The following SCAMP1 variants were observed in gnomAD, a reference collection of about 807,000 sequenced individuals.
SCAMP1 encodes secretory carrier-associated membrane protein 1.
A neutral mutation model predicts 41.8 loss-of-function variants in SCAMP1; 15 were observed. That is an observed-to-expected ratio of 0.36 (90% CI 0.24 to 0.55). The LOEUF is 0.55. Among genes scored for constraint, SCAMP1 ranks in the 20% least tolerant of loss-of-function variants. The pLI is 0.86. For synonymous variants in SCAMP1, 135 were observed against 136.8 expected (o/e 0.99, Z 0.09); for missense variants, 341 against 412.6 (o/e 0.83, Z 1.50).
At chr5:78,465,183 C>CCACAGT (rs1753715177) in intron 8 of SCAMP1, among the ~76,000 whole-genome samples, 2 of 152,254 alleles carry the variant, frequency 1.3e-5, no homozygotes, top group South Asian at 4.2e-4. Context: ...GGCACCTGGG[C>CCACAGT]ATAAGCCAGT....
intron 6 of SCAMP1, among the ~76,000 whole-genome samples, chr5:78,423,008 GCGCGCGCGCACA>G (rs1752375420): frequency 2.7e-5 from 1 of 36,688 alleles, no homozygotes; most frequent in Admixed American, 1.7e-4. Flanking sequence ...TGTAACACAC[GCGCGCGCGCACA>G]CACACACACA....
chr5:78,451,935 G>A (rs780686885), intron 7 of SCAMP1, among the ~76,000 whole-genome samples: 117 of 152,296 alleles, frequency 7.7e-4, no homozygotes, highest in Non-Finnish European at 1.3e-3. Flanking sequence ...GATTACAAGC[G>A]TGAGCTACCA....
Position 78,421,859 on chromosome 5 carries a change from T to C in SCAMP1, c.531T>C (p.Asp177=). 6.2e-7 allele frequency: 1 copy of C among 1,613,910 alleles called. No individual in the cohort carries two copies. Among genetic ancestry groups the C allele is most frequent in the East Asian group, 2.2e-5 (1 of 44,848 alleles). The change falls in exon 6 of 9, where the codon GAT becomes GAC. Residue 177 remains aspartate, a synonymous_variant. Coordinates refer to ENST00000621999, the MANE Select transcript of SCAMP1 (RefSeq NM_004866.6). ...GATGCTTGGCTTGGTTTTGTGTTGA[T>C]TCTGCAAGAGCGGTTGATTTTGGAT... The part of the protein sequence containing the change: ...IFGCLAWFCV[D]SARAVDFGLS...
chr5:78,388,973 A>C (rs535644909), intron 2 of SCAMP1, 59 bp downstream of exon 2: 6 of 870,240 alleles, frequency 6.9e-6, no homozygotes, highest in Non-Finnish European at 7.2e-6. Flanking sequence ...TTCTATTTTA[A>C]CTATGATTTC....
At chr5:78,441,049 C>T (rs1752910003) in intron 6 of SCAMP1, among the ~76,000 whole-genome samples, 1 of 152,170 alleles carries the variant, frequency 6.6e-6, no homozygotes, top group Non-Finnish European at 1.5e-5. Flanking sequence ...TTTGCTAAGA[C>T]CATTGGAAAA....
chr5:78,464,199 G>A (rs1440772725), intron 8 of SCAMP1, among the ~76,000 whole-genome samples: 1 of 151,438 alleles, frequency 6.6e-6, no homozygotes, highest in South Asian at 2.1e-4. Context: ...GCTGGAGTGT[G>A]ATGGCGTGAT....
intron 2 of SCAMP1, among the ~76,000 whole-genome samples, chr5:78,408,131 T>G (rs1444424605): frequency 6.6e-6 from 1 of 152,098 alleles, no homozygotes; most frequent in African/African-American, 2.4e-5. Context: ...AGGTAATTTA[T>G]AAAGAAAAAG....
At chr5:78,475,329 A>T (rs1252696347) in intron 8 of SCAMP1, among the ~76,000 whole-genome samples, 175 bp from the exon 9 acceptor site, 1 of 152,086 alleles carries the variant, frequency 6.6e-6, no homozygotes, top group East Asian at 1.9e-4. Flanking sequence ...ACCTATATTA[A>T]GAAAATGTTT....
At chr5:78,435,076 G>A (rs529917196) in intron 6 of SCAMP1, among the ~76,000 whole-genome samples, 10 of 152,168 alleles carry the variant, frequency 6.6e-5, no homozygotes, top group Admixed American at 5.9e-4. Context: ...GAACAGAGCA[G>A]GATGAAACAT....
chr5:78,378,131 T>G (rs1751111076), intron 1 of SCAMP1, among the ~76,000 whole-genome samples: 2 of 152,178 alleles, frequency 1.3e-5, no homozygotes, highest in Admixed American at 1.3e-4. Flanking sequence ...TTTTTTCTGC[T>G]ACAGAACAAG....
chr5:78,423,445 G>GT (rs910314419), intron 6 of SCAMP1, among the ~76,000 whole-genome samples: 52 of 151,718 alleles, frequency 3.4e-4, no homozygotes, highest in African/African-American at 5.3e-4. Context: ...GTTTTGTTTT[G>GT]TTTTTTTTGG....
At chr5:78,458,306 A>T (rs2112228526) in intron 7 of SCAMP1, among the ~76,000 whole-genome samples, 1 of 152,294 alleles carries the variant, frequency 6.6e-6, no homozygotes, top group South Asian at 2.1e-4. Flanking sequence ...TTTAGTCTCC[A>T]CTTCCTCACC....
chr5:78,473,033 A>G (rs1753922513), intron 8 of SCAMP1, among the ~76,000 whole-genome samples: 2 of 152,152 alleles, frequency 1.3e-5, no homozygotes, highest in Non-Finnish European at 2.9e-5. Flanking sequence ...TGTCTGGAAC[A>G]TAGGAGTAGT....
intron 4 of SCAMP1, 51 bp from the exon 5 acceptor site, chr5:78,418,724 A>G: frequency 1.7e-6 from 2 of 1,165,574 alleles, no homozygotes; most frequent in Middle Eastern, 2.7e-4. Context: ...AAATAATATC[A>G]CATTTGTTAT....
At chr5:78,430,060 AATACAGTATTTATTT>A (rs1752566123) in intron 6 of SCAMP1, among the ~76,000 whole-genome samples, 1 of 118,482 alleles carries the variant, frequency 8.4e-6, no homozygotes, top group Non-Finnish European at 1.9e-5. Flanking sequence ...TTTATTTATA[AATACAGTATTTATTT>A]ATAAATACAG....
intron 6 of SCAMP1, among the ~76,000 whole-genome samples, chr5:78,440,762 A>G (rs1752900288): frequency 6.6e-6 from 1 of 152,232 alleles, no homozygotes; most frequent in Non-Finnish European, 1.5e-5. Context: ...TGAAGTCTGC[A>G]GAAGTTTCTG....
intron 6 of SCAMP1, among the ~76,000 whole-genome samples, chr5:78,440,659 G>A (rs1257904253): frequency 6.6e-6 from 1 of 152,138 alleles, no homozygotes; most frequent in Non-Finnish European, 1.5e-5. Flanking sequence ...TGGGGTCAGG[G>A]ACCCACTTGA....
chr5:78,432,536 G>C (rs1417830158), intron 6 of SCAMP1, among the ~76,000 whole-genome samples: 1 of 151,946 alleles, frequency 6.6e-6, no homozygotes, highest in Non-Finnish European at 1.5e-5. Flanking sequence ...ATTTTCATCC[G>C]TTCTGGCTTG....
At chr5:78,406,986 A>G (rs1236217898) in intron 2 of SCAMP1, among the ~76,000 whole-genome samples, 3 of 152,182 alleles carry the variant, frequency 2.0e-5, no homozygotes, top group African/African-American at 4.8e-5. Context: ...CAGCCAAAGT[A>G]GTGGCAGACA....
Sources: gnomAD v4.1 joint callset for allele counts (sites outside exome capture counted in the v4.1 genomes callset) on GRCh38, gnomAD v4.1.1 for gene constraint, MANE v1.5 for transcripts, NCBI Gene and HGNC (gene_info 2026-07-23, HGNC 2026-07-21) for gene names.